PARD3B: variants seen among roughly 807,000 people sequenced by gnomAD.
PARD3B encodes partitioning defective 3 homolog B.
In PARD3B, 103 loss-of-function variants were observed where a neutral mutation model predicts 130.2. The observed-to-expected ratio is 0.79, with a 90% CI of 0.67 to 0.93. The LOEUF is 0.93. PARD3B is among the 40% of genes least tolerant of loss of function. The probability of loss-of-function intolerance (pLI) is 0.00; values close to 1 mark genes in which losing one functional copy is unlikely to be tolerated. For synonymous variants in PARD3B, 583 were observed against 553.2 expected (o/e 1.05, Z -0.76); for missense variants, 1,609 against 1,499.2 (o/e 1.07, Z -1.21).
At chr2:205,044,052 C>T (rs1419148363) in intron 3 of PARD3B, among the ~76,000 whole-genome samples, 1 of 150,540 alleles carries the variant, frequency 6.6e-6, no homozygotes, top group African/African-American at 2.4e-5. Context: ...TGAGAATATG[C>T]AGTGTTTGGT....
At chr2:205,606,339 C>T (rs73062229) in intron 22 of PARD3B, among the ~76,000 whole-genome samples, 5,754 of 152,288 alleles carry the variant, frequency 0.038, 219 homozygotes, top group African/African-American at 0.099. Context: ...CTCACTGCCT[C>T]CCTTGGCTGG....
rs1463573962 is a variant in PARD3B, at chr2:205,617,961, T to C, written c.*2148T>C. ...AGGCCACTTGAGGGGCAGCCAGGGG[T>C]GATGGTGTCAGGTGAGAATCCTGTG... is the stretch of plus-strand genomic sequence containing the variant. On this transcript the variant is annotated 3_prime_UTR_variant, in exon 23 of 23. Coordinates refer to ENST00000406610, the MANE Select transcript of PARD3B (RefSeq NM_001302769.2). 1 of 152,028 alleles carries C rather than the reference T, an allele frequency of 6.6e-6. No homozygotes were observed. Among genetic ancestry groups the C allele is most frequent in the East Asian group, 1.9e-4 (1 of 5,180 alleles). The allele number at this position is 152,028 out of a possible 1,614,324, so 9.4% of individuals were successfully genotyped here. A position where few individuals can be genotyped will look rare whatever the true frequency, so the allele number is the denominator to read the frequency against.
At chr2:204,802,678 C>A (rs1187679478) in intron 2 of PARD3B, among the ~76,000 whole-genome samples, 2 of 152,142 alleles carry the variant, frequency 1.3e-5, no homozygotes, top group African/African-American at 4.8e-5. Flanking sequence ...AGGATGAGTT[C>A]ATGTCCTTTG....
intron 4 of PARD3B, among the ~76,000 whole-genome samples, chr2:205,090,417 T>C (rs566377419): frequency 6.6e-6 from 1 of 152,364 alleles, no homozygotes; most frequent in East Asian, 1.9e-4. Flanking sequence ...CTTGTTATTA[T>C]TCTCATAACA....
intron 20 of PARD3B, among the ~76,000 whole-genome samples, chr2:205,467,861 C>T (rs1478802519): frequency 6.6e-6 from 1 of 152,216 alleles, no homozygotes; most frequent in Non-Finnish European, 1.5e-5. Context: ...ACTAAACAAG[C>T]ACCATTGTCT....
chr2:205,447,962 AG>A (rs2047965310), intron 20 of PARD3B, among the ~76,000 whole-genome samples: 1 of 152,204 alleles, frequency 6.6e-6, no homozygotes, highest in Non-Finnish European at 1.5e-5. Flanking sequence ...ACAGCCTTTT[AG>A]GTATTTAAAG....
At chr2:205,127,516 G>A (rs2125637470) in intron 10 of PARD3B, among the ~76,000 whole-genome samples, 1 of 152,268 alleles carries the variant, frequency 6.6e-6, no homozygotes, top group East Asian at 1.9e-4. Context: ...ACTTGAAGAA[G>A]AGAAATTTTA....
At chr2:204,750,631 T>TACATACAC (rs539946921) in intron 2 of PARD3B, among the ~76,000 whole-genome samples, 7 of 144,318 alleles carry the variant, frequency 4.9e-5, no homozygotes, top group African/African-American at 1.1e-4. Context: ...CATACATACA[T>TACATACAC]ACACACACAC....
At chr2:205,579,651 A>G in intron 22 of PARD3B, among the ~76,000 whole-genome samples, 1 of 152,220 alleles carries the variant, frequency 6.6e-6, no homozygotes, top group East Asian at 1.9e-4. Context: ...TTTGGAGGCC[A>G]ACCTTGCCTG....
chr2:204,975,372 C>T (rs1692056531), intron 3 of PARD3B, among the ~76,000 whole-genome samples: 1 of 152,086 alleles, frequency 6.6e-6, no homozygotes, highest in South Asian at 2.1e-4. Context: ...CAACAATGTC[C>T]GCTACTCCCC....
intron 2 of PARD3B, among the ~76,000 whole-genome samples, chr2:204,913,911 A>G (rs1297569629): frequency 6.6e-6 from 1 of 152,250 alleles, no homozygotes; most frequent in East Asian, 1.9e-4. Context: ...AGGCACCGTG[A>G]AAACATTACC....
intron 2 of PARD3B, among the ~76,000 whole-genome samples, chr2:204,732,188 A>G (rs751960411): frequency 3.0e-4 from 45 of 152,014 alleles, no homozygotes; most frequent in Non-Finnish European, 5.7e-4. Context: ...TTCCAGTGTC[A>G]CCACAAGCAG....
At chr2:204,868,915 C>G (rs2045526257) in intron 2 of PARD3B, among the ~76,000 whole-genome samples, 1 of 152,076 alleles carries the variant, frequency 6.6e-6, no homozygotes, top group Non-Finnish European at 1.5e-5. Context: ...ACAATTTGTA[C>G]TTAAAAGCCA....
intron 2 of PARD3B, among the ~76,000 whole-genome samples, chr2:204,814,548 G>A (rs1325236328): frequency 6.6e-6 from 1 of 151,814 alleles, no homozygotes; most frequent in East Asian, 1.9e-4. Flanking sequence ...TCTCAAATGA[G>A]TTTCATTTTT....
intron 2 of PARD3B, among the ~76,000 whole-genome samples, chr2:204,781,613 A>G (rs1382540288): frequency 1.3e-5 from 2 of 152,092 alleles, no homozygotes; most frequent in Non-Finnish European, 2.9e-5. Flanking sequence ...ATTGCTTTCC[A>G]TTGTTGAGCT....
chr2:205,020,834 C>G (rs1482841967), intron 3 of PARD3B, among the ~76,000 whole-genome samples: 1 of 152,074 alleles, frequency 6.6e-6, no homozygotes, highest in African/African-American at 2.4e-5. Context: ...TCCTTAAGCT[C>G]TCAATGTGAA....
intron 22 of PARD3B, among the ~76,000 whole-genome samples, chr2:205,570,396 A>G (rs986486554): frequency 6.6e-6 from 1 of 152,228 alleles, no homozygotes; most frequent in African/African-American, 2.4e-5. Flanking sequence ...CAGAATAGCA[A>G]TGCCTTCACA....
At chr2:205,204,521 G>T (rs2037175114) in intron 15 of PARD3B, among the ~76,000 whole-genome samples, 1 of 152,138 alleles carries the variant, frequency 6.6e-6, no homozygotes, top group South Asian at 2.1e-4. Flanking sequence ...TGAAGTCTTT[G>T]CCCATGCCTG....
intron 2 of PARD3B, among the ~76,000 whole-genome samples, chr2:204,687,908 T>C (rs1369840670): frequency 2.0e-5 from 3 of 152,170 alleles, no homozygotes; most frequent in Non-Finnish European, 2.9e-5. Context: ...CAATACCTCA[T>C]TACTAGAAGG....
Sources: gnomAD v4.1 joint callset for allele counts (sites outside exome capture counted in the v4.1 genomes callset) on GRCh38, gnomAD v4.1.1 for gene constraint, MANE v1.5 for transcripts, NCBI Gene and HGNC (gene_info 2026-07-23, HGNC 2026-07-21) for gene names.